Variants in UNC13C observed in about 807,000 individuals in gnomAD.
UNC13C encodes protein unc-13 homolog C.
A neutral mutation model predicts 245.4 loss-of-function variants in UNC13C; 174 were observed. The ratio of observed to expected loss-of-function variants is 0.71; its 90% confidence interval spans 0.63 to 0.80. The LOEUF (loss-of-function observed/expected upper bound fraction) is 0.80. Among genes scored for constraint, UNC13C ranks in the 30% least tolerant of loss-of-function variants. UNC13C has a pLI of 0.00. For missense variants in UNC13C, 2,829 were observed against 2,602.9 expected, an observed-to-expected ratio of 1.09 and a Z score of -1.89; for synonymous variants, 992 against 895.1, an observed-to-expected ratio of 1.11 and a Z score of -1.93.
chr15:54,296,408 C>T (rs529535757), intron 11 of UNC13C, among the ~76,000 whole-genome samples: 3 of 137,502 alleles, frequency 2.2e-5, no homozygotes, highest in East Asian at 4.2e-4. Context: ...TTAGTGGAGA[C>T]GGGGTTTCAC....
intron 2 of UNC13C, among the ~76,000 whole-genome samples, chr15:54,096,331 T>C (rs1186381657): frequency 7.4e-5 from 1 of 13,488 alleles, no homozygotes; most frequent in Non-Finnish European, 1.3e-4. Flanking sequence ...TGCTCATTTC[T>C]CTATTTGGAA....
chr15:54,251,581 T>C (rs1340119537), intron 8 of UNC13C, among the ~76,000 whole-genome samples: 1 of 152,254 alleles, frequency 6.6e-6, no homozygotes, highest in Admixed American at 6.5e-5. Context: ...GAAATGCTAA[T>C]GCATCACATT....
the UNC13C span, among the ~76,000 whole-genome samples, chr15:53,953,146 C>T: frequency 6.6e-5 from 10 of 152,194 alleles, no homozygotes; most frequent in Non-Finnish European, 5.9e-5. Context: ...GAAAGGATTT[C>T]GGAATGTACT....
chr15:54,380,910 G>T (rs2039710132), intron 17 of UNC13C, among the ~76,000 whole-genome samples: 1 of 152,070 alleles, frequency 6.6e-6, no homozygotes, highest in Admixed American at 6.6e-5. Context: ...TCTATAAGCT[G>T]TCCCTTCACT....
intron 4 of UNC13C, among the ~76,000 whole-genome samples, chr15:54,161,717 A>G (rs1307417819): frequency 6.6e-6 from 1 of 152,060 alleles, no homozygotes; most frequent in Non-Finnish European, 1.5e-5. Context: ...TTGGGAGGCC[A>G]GGGTGGGCAT....
chr15:54,013,483 G>A lies in UNC13C; in HGVS notation c.580G>A (p.Val194Ile). Residue 194 changes from valine (V) to isoleucine (I), a missense_variant, in exon 2 of 33, where the codon GTC becomes ATC. By Grantham distance (29) the Val-to-Ile change is conservative (BLOSUM62 3). Coordinates refer to ENST00000260323, the MANE Select transcript of UNC13C (RefSeq NM_001080534.3). ...AAAATGGAAAAAGAGTCAAGAATGT[G>A]TCTCCTCAGACTCAGAGTTAAGCAC... is the stretch of plus-strand genomic sequence containing the variant. ...LRKWKKSQEC[V>I]SSDSELSTMK... The A allele has an allele frequency of 6.2e-7, 1 of 1,613,890 alleles. No individual in the cohort carries two copies. Among genetic ancestry groups the A allele is most frequent in the Non-Finnish European group, 8.5e-7 (1 of 1,179,864 alleles).
intron 17 of UNC13C, among the ~76,000 whole-genome samples, chr15:54,354,305 C>T (rs1263642635): frequency 1.3e-5 from 2 of 152,154 alleles, no homozygotes; most frequent in Non-Finnish European, 2.9e-5. Context: ...TCAATACTTG[C>T]CTTGTTTTTG....
intron 10 of UNC13C, among the ~76,000 whole-genome samples, chr15:54,285,661 G>A (rs1350806513): frequency 1.3e-5 from 2 of 152,124 alleles, no homozygotes; most frequent in Admixed American, 1.3e-4. Context: ...CTTCCAGGCC[G>A]AGCTAGAATG....
intron 4 of UNC13C, among the ~76,000 whole-genome samples, chr15:54,150,011 G>A (rs2141248703): frequency 6.6e-6 from 1 of 152,272 alleles, no homozygotes; most frequent in Admixed American, 6.5e-5. Context: ...AGGGGATCCT[G>A]GAACTAATCT....
At chr15:54,599,403 G>T (rs779277333) in intron 30 of UNC13C, among the ~76,000 whole-genome samples, 1 of 152,030 alleles carries the variant, frequency 6.6e-6, no homozygotes, top group Non-Finnish European at 1.5e-5. Flanking sequence ...CTTTGAGTTT[G>T]TGTCTTGTAC....
intron 10 of UNC13C, among the ~76,000 whole-genome samples, chr15:54,276,431 T>C (rs2140908595): frequency 6.6e-6 from 1 of 152,264 alleles, no homozygotes; most frequent in Non-Finnish European, 1.5e-5. Flanking sequence ...GCTTCTACTA[T>C]GATGATTATG....
At chr15:54,099,077 A>T (rs545292437) in intron 2 of UNC13C, among the ~76,000 whole-genome samples, 42 of 152,336 alleles carry the variant, frequency 2.8e-4, no homozygotes, top group African/African-American at 1.0e-3. Flanking sequence ...GTTTTAATCA[A>T]ATATGTCCAA....
intron 24 of UNC13C, among the ~76,000 whole-genome samples, chr15:54,523,700 T>G (rs1050726640): frequency 2.0e-5 from 3 of 152,222 alleles, no homozygotes; most frequent in Non-Finnish European, 2.9e-5. Flanking sequence ...CCTCAGTGTG[T>G]ATATTAAACT....
chr15:54,068,947 G>T (rs1275223426), intron 2 of UNC13C, among the ~76,000 whole-genome samples: 1 of 152,172 alleles, frequency 6.6e-6, no homozygotes, highest in East Asian at 1.9e-4. Flanking sequence ...CTGCCATCAA[G>T]ATAAGTAGTA....
chr15:54,240,439 G>T (rs1183542013), intron 7 of UNC13C, among the ~76,000 whole-genome samples: 1 of 152,142 alleles, frequency 6.6e-6, no homozygotes, highest in Non-Finnish European at 1.5e-5. Context: ...GCTTTTATGT[G>T]AAGGGAAATG....
At chr15:54,425,916 G>A (rs1396681233) in intron 19 of UNC13C, among the ~76,000 whole-genome samples, 1 of 151,804 alleles carries the variant, frequency 6.6e-6, no homozygotes, top group Non-Finnish European at 1.5e-5. Flanking sequence ...CTCTAGGAGA[G>A]AATCCATTTT....
chr15:54,194,210 G>T (rs577147473), intron 4 of UNC13C, among the ~76,000 whole-genome samples: 1 of 152,272 alleles, frequency 6.6e-6, no homozygotes, highest in African/African-American at 2.4e-5. Context: ...TGATAGTTTA[G>T]ACTAGAGCAG....
intron 2 of UNC13C, among the ~76,000 whole-genome samples, chr15:54,119,212 T>A (rs899699657): frequency 5.3e-5 from 8 of 152,142 alleles, no homozygotes; most frequent in Non-Finnish European, 1.0e-4. Flanking sequence ...GATATTGCGT[T>A]TTTTTACAAA....
the UNC13C span, among the ~76,000 whole-genome samples, chr15:53,882,348 C>T: frequency 6.6e-6 from 1 of 152,072 alleles, no homozygotes; most frequent in East Asian, 1.9e-4. Context: ...GTTTTTTCCA[C>T]ACTACTTTTG....
Sources: allele counts gnomAD v4.1 joint callset (sites outside exome capture counted in the v4.1 genomes callset), GRCh38; gene constraint gnomAD v4.1.1; transcripts MANE v1.5; gene names NCBI Gene and HGNC (gene_info 2026-07-23, HGNC 2026-07-21).